Variants in PTPRZ1 observed in about 807,000 individuals in gnomAD.
PTPRZ1 encodes the protein receptor-type tyrosine-protein phosphatase zeta.
PTPRZ1 carries 82 observed loss-of-function variants against 214.1 expected under a neutral mutation model. The ratio of observed to expected loss-of-function variants is 0.38; its 90% CI spans 0.32 to 0.46. The LOEUF (loss-of-function observed/expected upper bound fraction) is 0.46. Among genes scored for constraint, PTPRZ1 ranks in the 20% least tolerant of loss-of-function variants. The pLI, the probability that PTPRZ1 is intolerant of heterozygous loss-of-function variation, is 1.00. For missense variants in PTPRZ1, 2,603 were observed against 2,748.7 expected (o/e 0.95, Z 1.19); for synonymous variants, 945 against 987.9 (o/e 0.96, Z 0.81).
chr7:122,011,195 G>A lies in PTPRZ1; in HGVS notation c.2149G>A (p.Ala717Thr). 6.2e-7 allele frequency: 1 copy of A among 1,614,008 alleles called. No individual in the cohort carries two copies. The highest frequency in any genetic ancestry group is 8.5e-7 in the Non-Finnish European group (1 of 1,180,004). Reference protein sequence around the residue: ...DLEMPHYSTFAYFPTEVTPHA... With the variant: ...DLEMPHYSTFTYFPTEVTPHA... ...GGAAATGCCACATTATTCTACCTTT[G>A]CCTACTTCCCAACTGAGGTAACACC... is the stretch of plus-strand genomic sequence containing the variant. The change falls in exon 12 of 30, where the codon GCC (alanine) becomes ACC (threonine). Residue 717 changes from alanine to threonine, a missense_variant. By Grantham distance (58) the Ala-to-Thr change is moderately conservative. This residue lies in a region of PTPRZ1 where 1,913 missense variants were observed against 1,914.3 expected (regional missense o/e 1.00). Coordinates refer to ENST00000393386, the MANE Select transcript of PTPRZ1 (RefSeq NM_002851.3).
intron 1 of PTPRZ1, among the ~76,000 whole-genome samples, chr7:121,903,315 G>A (rs770644506): frequency 1.3e-5 from 2 of 152,066 alleles, no homozygotes; most frequent in African/African-American, 2.4e-5. Context: ...TCTCTAGTTA[G>A]ACTGTATCAA....
At chr7:122,029,256 A>G (rs977225882) in intron 14 of PTPRZ1, among the ~76,000 whole-genome samples, 3 of 152,002 alleles carry the variant, frequency 2.0e-5, no homozygotes, top group Non-Finnish European at 4.4e-5. Context: ...TTTTATCATA[A>G]TTTATCTGAA....
intron 1 of PTPRZ1, among the ~76,000 whole-genome samples, chr7:121,890,642 A>G (rs111606226): frequency 0.017 from 2,645 of 152,020 alleles, 38 homozygotes; most frequent in Non-Finnish European, 0.027. Flanking sequence ...CTGGCCTCCT[A>G]TTATTTCTCT....
intron 1 of PTPRZ1, among the ~76,000 whole-genome samples, chr7:121,896,521 G>A (rs188133618): frequency 9.9e-5 from 15 of 152,134 alleles, no homozygotes; most frequent in Admixed American, 7.9e-4. Context: ...CTTGAAAAAC[G>A]GAAGAAAACC....
chr7:122,007,329 A>AG lies in PTPRZ1; in HGVS notation c.1287+2674dup, dbSNP rs1011308864. ...GCTGGAAGAATCCTTGGCACTGCCA[A>AG]GGGGGAGGGAACCAGCTACCACCAC... On this transcript the variant is annotated intron_variant, in intron 11 of 29. Coordinates refer to ENST00000393386, the MANE Select transcript of PTPRZ1 (RefSeq NM_002851.3). Among the ~76,000 whole-genome samples the AG allele has an allele frequency of 2.0e-3, 297 of 152,244 alleles. 2 individuals carry two copies. Among genetic ancestry groups the AG allele is most frequent in the African/African-American group, 6.8e-3 (284 of 41,554 alleles).
intron 2 of PTPRZ1, among the ~76,000 whole-genome samples, chr7:121,941,321 G>A (rs777526915): frequency 1.3e-5 from 2 of 152,218 alleles, no homozygotes; most frequent in East Asian, 1.9e-4. Flanking sequence ...AATTTCTGTG[G>A]CCACATCTGA....
At chr7:121,994,778 G>C (rs972476261) in intron 8 of PTPRZ1, among the ~76,000 whole-genome samples, 3 of 152,134 alleles carry the variant, frequency 2.0e-5, no homozygotes, top group Non-Finnish European at 2.9e-5. Context: ...TCACTCAGTA[G>C]AGTAACATCA....
chr7:121,876,562 A>G (rs970861534), intron 1 of PTPRZ1, among the ~76,000 whole-genome samples: 3 of 152,096 alleles, frequency 2.0e-5, no homozygotes, highest in Non-Finnish European at 4.4e-5. Flanking sequence ...CTGAAATTCA[A>G]TATGTTGTGA....
At chr7:121,903,378 C>A (rs1314980834) in intron 1 of PTPRZ1, among the ~76,000 whole-genome samples, 1 of 151,964 alleles carries the variant, frequency 6.6e-6, no homozygotes, top group Non-Finnish European at 1.5e-5. Flanking sequence ...ATTATTTGTA[C>A]AATGAAAAAA....
At chr7:122,034,402 C>G (rs372200217) in intron 17 of PTPRZ1, 24 bp downstream of exon 17, 21 of 1,600,048 alleles carry the variant, frequency 1.3e-5, no homozygotes, top group Non-Finnish European at 1.7e-5. Context: ...TAAATCAGCT[C>G]TGACTTCAAT....
Position 122,042,759 on chromosome 7 carries a change from A to C in PTPRZ1, c.5937+16A>C. The C allele has an allele frequency of 1.2e-6, 2 of 1,603,640 alleles. No individual in the cohort carries two copies. The highest frequency in any genetic ancestry group is 1.7e-6 in the Non-Finnish European group (2 of 1,170,930). On this transcript the variant is annotated intron_variant, in intron 22 of 29. Transcript: ENST00000393386. ...ACAAACTGAGGTATGATTTTTAAAA[A>C]GATGATTTTATTCATCTAAGGTATG...
intron 1 of PTPRZ1, among the ~76,000 whole-genome samples, chr7:121,886,253 T>C (rs1298878705): frequency 6.6e-6 from 1 of 152,152 alleles, no homozygotes; most frequent in Non-Finnish European, 1.5e-5. Flanking sequence ...AAAATATTAA[T>C]ATGTGCACAT....
At chr7:122,024,372 T>A (rs1799143826) in intron 13 of PTPRZ1, among the ~76,000 whole-genome samples, 2 of 152,008 alleles carry the variant, frequency 1.3e-5, no homozygotes, top group East Asian at 1.9e-4. Context: ...ATAAACACAA[T>A]TGTTTTGGCT....
At chr7:122,010,197 G>A in intron 11 of PTPRZ1, 137 bp from the exon 12 acceptor site, 3 of 785,606 alleles carry the variant, frequency 3.8e-6, no homozygotes, top group Non-Finnish European at 6.0e-6. Context: ...TTAGAGGTAT[G>A]CATTGTACAG....
Position 121,983,948 on chromosome 7 carries a change from T to C in PTPRZ1, c.778-19T>C. On this transcript the variant is annotated intron_variant, in intron 7 of 29. Coordinates refer to ENST00000393386, the MANE Select transcript of PTPRZ1 (RefSeq NM_002851.3). ...TGCCTTTGAAGCAGATATGTTAAAT[T>C]ATTTGATCTTTTTTTCAGTTGGCTG... The C allele has an allele frequency of 1.2e-6, 2 of 1,608,680 alleles. No individual in the cohort carries two copies. Among genetic ancestry groups the C allele is most frequent in the Non-Finnish European group, 8.5e-7 (1 of 1,176,566 alleles).
chr7:122,011,046 G>A lies in PTPRZ1; in HGVS notation c.2000G>A (p.Gly667Glu). 1.9e-6 allele frequency: 3 copies of A among 1,614,100 alleles called. No individual in the cohort carries two copies. The highest frequency in any genetic ancestry group is 2.5e-6 in the Non-Finnish European group (3 of 1,179,986). ...GACATAACAGCACAGCCCGATGTTG[G>A]ATCAGGCAGAGAGAGCTTTCTCCAG... ...STDITAQPDV[G>E]SGRESFLQTN... Residue 667 changes from glycine to glutamate, a missense_variant, in exon 12 of 30, where the codon GGA becomes GAA. This residue lies in a region of PTPRZ1 where 1,913 missense variants were observed against 1,914.3 expected (regional missense o/e 1.00). Transcript: ENST00000393386.
At position 122,013,808 on chromosome 7, in the gene PTPRZ1, G is replaced by A; in HGVS notation, c.4762G>A (p.Glu1588Lys). The change falls in exon 12 of 30, where the codon GAA (glutamate) becomes AAA (lysine). Residue 1588 changes from glutamate to lysine, a missense_variant. Coordinates refer to ENST00000393386, the MANE Select transcript of PTPRZ1 (RefSeq NM_002851.3). ...ADGILAAGDS[E>K]ITPGFPQSPT... is the part of the protein sequence containing the mutation. ...TGGGATCCTGGCAGCAGGTGACTCA[G>A]AAATAACTCCTGGATTCCCACAGTC... 2 of 1,614,156 alleles carry A rather than the reference G, an allele frequency of 1.2e-6. No individual in the cohort carries two copies. The highest frequency in any genetic ancestry group is 1.7e-6 in the Non-Finnish European group (2 of 1,180,012).
chr7:122,007,650 A>T lies in PTPRZ1; in HGVS notation c.1288-2684A>T, dbSNP rs549267826. ...TTAATCCCTGAATATAGAAATAAAG[A>T]GTTTGAAGGATATTTCTTAGATCCT... On this transcript the variant is annotated intron_variant, in intron 11 of 29. Coordinates refer to ENST00000393386, the MANE Select transcript of PTPRZ1 (RefSeq NM_002851.3). Among the ~76,000 whole-genome samples, 4 of 152,214 alleles carry T rather than the reference A, an allele frequency of 2.6e-5. No homozygotes were observed. In the East Asian group the frequency reaches 7.7e-4, roughly 29 times the overall value.
intron 15 of PTPRZ1, 91 bp from the exon 16 acceptor site, chr7:122,034,004 T>C (rs2150471821): frequency 8.3e-7 from 1 of 1,198,504 alleles, no homozygotes. Flanking sequence ...AGTTTTCCAT[T>C]GTAAACCTAA....
Sources: allele counts gnomAD v4.1 joint callset (sites outside exome capture counted in the v4.1 genomes callset), GRCh38; gene constraint gnomAD v4.1.1; regional missense constraint gnomAD v4.1.1; transcripts MANE v1.5; gene names NCBI Gene and HGNC (gene_info 2026-07-23, HGNC 2026-07-21).